RANBP2: variants seen among roughly 807,000 people sequenced by gnomAD.
RANBP2 encodes E3 SUMO-protein ligase RanBP2.
Under a neutral mutation model 303.6 loss-of-function variants are expected in RANBP2, and 57 were observed. That is an observed-to-expected ratio of 0.19 (90% confidence interval 0.15 to 0.23). The LOEUF (loss-of-function observed/expected upper bound fraction) is 0.23, where lower values mean the gene tolerates loss of function less well. Ranked by LOEUF, RANBP2 falls within the 10% of genes least tolerant of loss-of-function variation. The pLI, the probability that RANBP2 is intolerant of heterozygous loss-of-function variation, is 1.00. For synonymous variants in RANBP2, 1,167 were observed against 1,301.5 expected (o/e 0.90, Z 2.23); for missense variants, 3,138 against 3,780.8 (o/e 0.83, Z 4.46).
chr2:109,611,479 G>GA, the RANBP2 span, among the ~76,000 whole-genome samples: 124 of 148,268 alleles, frequency 8.4e-4, no homozygotes, highest in Middle Eastern at 0.01. Flanking sequence ...AAACCCAACA[G>GA]AAAAAAAAAA....
the RANBP2 span, among the ~76,000 whole-genome samples, chr2:109,239,092 A>G: frequency 2.0e-5 from 3 of 152,214 alleles, no homozygotes; most frequent in African/African-American, 7.2e-5. Flanking sequence ...TGTATACAGG[A>G]GAAGACGTCC....
At chr2:109,381,255 G>A in the RANBP2 span, among the ~76,000 whole-genome samples, 1,844 of 152,332 alleles carry the variant, frequency 0.012, 37 homozygotes, top group African/African-American at 0.037. Flanking sequence ...TGCAGCCGGT[G>A]GAAGTAACTG....
the RANBP2 span, among the ~76,000 whole-genome samples, chr2:109,408,027 A>G: frequency 1.3e-5 from 2 of 152,082 alleles, no homozygotes; most frequent in Non-Finnish European, 2.9e-5. Flanking sequence ...CAGAGTCAGG[A>G]AAGATCCTTG....
chr2:109,244,140 T>C, the RANBP2 span, among the ~76,000 whole-genome samples: 1 of 151,940 alleles, frequency 6.6e-6, no homozygotes, highest in Non-Finnish European at 1.5e-5. Flanking sequence ...GCAAATCCTC[T>C]GTAGCTATTT....
chr2:109,407,602 C>G, the RANBP2 span, among the ~76,000 whole-genome samples: 1 of 152,224 alleles, frequency 6.6e-6, no homozygotes, highest in Non-Finnish European at 1.5e-5. Flanking sequence ...AACTCCGGCT[C>G]CAGCTCCAGC....
In RANBP2 at chr2:108,760,817, G is replaced by A. The variant is rs1331748170; in HGVS notation, c.2603-1284G>A. Among the ~76,000 whole-genome samples, 5 of 152,166 alleles carry A rather than the reference G, an allele frequency of 3.3e-5. No individual in the cohort carries two copies. The South Asian group carries it at 6.2e-4, about 19-fold the overall frequency. On this transcript the variant is annotated intron_variant, in intron 18 of 28. Transcript: ENST00000283195. ...TTAATGTGATTTTTTTAAAGCCCGCGAACACATTTGTGTTCCTTGTGATCT... is the reference window on the plus strand; with the variant it reads ...TTAATGTGATTTTTTTAAAGCCCGCAAACACATTTGTGTTCCTTGTGATCT...
At chr2:109,441,552 G>C in the RANBP2 span, among the ~76,000 whole-genome samples, 1 of 152,200 alleles carries the variant, frequency 6.6e-6, no homozygotes, top group Non-Finnish European at 1.5e-5. Flanking sequence ...CGTGAGCAAT[G>C]GGACAACTTT....
the RANBP2 span, chr2:108,930,242 C>T: frequency 1.7e-5 from 27 of 1,613,984 alleles, 1 homozygote; most frequent in South Asian, 1.8e-4. Flanking sequence ...ATCAGAGACA[C>T]CTGCCAACAA....
chr2:109,627,128 C>A, the RANBP2 span, among the ~76,000 whole-genome samples: 32 of 152,080 alleles, frequency 2.1e-4, no homozygotes, highest in East Asian at 6.0e-3. Flanking sequence ...TCTGTGAATA[C>A]CCACTGCACT....
the RANBP2 span, among the ~76,000 whole-genome samples, chr2:109,500,445 A>C: frequency 7.4e-4 from 112 of 152,252 alleles, no homozygotes; most frequent in African/African-American, 2.6e-3. Context: ...GGAAGACCCC[A>C]GGGAAGGCTC....
At chr2:109,238,925 A>G in the RANBP2 span, among the ~76,000 whole-genome samples, 5 of 152,168 alleles carry the variant, frequency 3.3e-5, no homozygotes, top group African/African-American at 1.2e-4. Flanking sequence ...GGGTGCATGC[A>G]TCAGAGACAA....
At chr2:108,891,030 C>CT in the RANBP2 span, among the ~76,000 whole-genome samples, 8 of 152,076 alleles carry the variant, frequency 5.3e-5, no homozygotes, top group Admixed American at 5.2e-4. Context: ...TAAAAAAAAT[C>CT]TATCTCTTTG....
the RANBP2 span, among the ~76,000 whole-genome samples, chr2:109,586,246 C>G: frequency 6.6e-6 from 1 of 152,178 alleles, no homozygotes; most frequent in African/African-American, 2.4e-5. Context: ...GGTTCAGCTC[C>G]TGGTAATGGC....
the RANBP2 span, among the ~76,000 whole-genome samples, chr2:109,736,230 T>C: frequency 6.6e-6 from 1 of 152,136 alleles, no homozygotes. Flanking sequence ...TGTGGTTCTC[T>C]AGCCTCTGCA....
At chr2:108,771,384 T>C (rs1454439401) in intron 20 of RANBP2, among the ~76,000 whole-genome samples, 1 of 152,160 alleles carries the variant, frequency 6.6e-6, no homozygotes, top group African/African-American at 2.4e-5. Flanking sequence ...GGCAACACTT[T>C]AAAATTTTTA....
At chr2:108,917,865 G>A in the RANBP2 span, among the ~76,000 whole-genome samples, 1 of 152,184 alleles carries the variant, frequency 6.6e-6, no homozygotes, top group South Asian at 2.1e-4. Context: ...GGCACCTGCA[G>A]AGCCTGAAGC....
At chr2:108,798,306 G>A in the RANBP2 span, 1 of 948,606 alleles carries the variant, frequency 1.1e-6, no homozygotes, top group Non-Finnish European at 1.6e-6. Context: ...AATCCAGATT[G>A]TCCTTAGGTA....
At chr2:109,437,635 G>C in the RANBP2 span, among the ~76,000 whole-genome samples, 25 of 152,160 alleles carry the variant, frequency 1.6e-4, 1 homozygote, top group African/African-American at 5.5e-4. Context: ...GGTGAGACTC[G>C]GGCCCAGGCT....
rs985189899 is a variant in RANBP2, at chr2:108,763,499, C to T, written c.2960C>T (p.Ala987Val). 1.2e-6 allele frequency: 2 copies of T among 1,613,980 alleles called. No homozygotes were observed. Among genetic ancestry groups the T allele is most frequent in the African/African-American group, 1.3e-5 (1 of 74,894 alleles). The change falls in exon 20 of 29, where the codon GCA (alanine) becomes GTA (valine). Residue 987 changes from alanine to valine, a missense_variant. Physicochemically the swap from Ala to Val is moderately conservative, Grantham distance 64 (BLOSUM62 0). Coordinates refer to ENST00000283195, the MANE Select transcript of RANBP2 (RefSeq NM_006267.5). The part of the protein sequence containing the change: ...EPGYFTKPPI[A>V]AHASRSAESK... ...GGATATTTCACAAAACCTCCGATTG[C>T]AGCTCATGCTTCAAGATCTGCAGAA...
Sources: allele counts gnomAD v4.1 joint callset (sites outside exome capture counted in the v4.1 genomes callset), GRCh38; gene constraint gnomAD v4.1.1; transcripts MANE v1.5; gene names NCBI Gene and HGNC (gene_info 2026-07-23, HGNC 2026-07-21).